RAB11FIP4: variants seen among roughly 807,000 people sequenced by gnomAD.
RAB11FIP4 encodes RAB11 family interacting protein 4, also known as rab11 family-interacting protein 4.
In RAB11FIP4, 23 loss-of-function variants were observed where a neutral mutation model predicts 74.3. The ratio of observed to expected loss-of-function variants is 0.31; its 90% CI spans 0.22 to 0.44. The LOEUF (loss-of-function observed/expected upper bound fraction) is 0.44. Ranked by LOEUF, RAB11FIP4 falls within the 20% of genes least tolerant of loss-of-function variation. The pLI is 1.00. For synonymous variants in RAB11FIP4, 360 were observed against 359.9 expected, an observed-to-expected ratio of 1.00 and a Z score of 0.00; for missense variants, 630 against 863.9, an observed-to-expected ratio of 0.73 and a Z score of 3.39.
In RAB11FIP4 at chr17:31,517,806, C is replaced by T. The variant is rs2142808526; in HGVS notation, c.492C>T (p.Ser164=). The change falls in exon 4 of 15, where the codon AGC becomes AGT. Residue 164 remains serine, a synonymous_variant. Transcript: ENST00000621161. ...ACAGCCCCATGGAGAGCACTCAGAGCCTGGAGGGGTCTGTCGGGAGTCCTG... is the reference window on the plus strand; with the variant it reads ...ACAGCCCCATGGAGAGCACTCAGAGTCTGGAGGGGTCTGTCGGGAGTCCTG... ...YTDSPMESTQ[S]LEGSVGSPAE... 6.4e-6 allele frequency: 10 copies of T among 1,554,144 alleles called. No individual in the cohort carries two copies. Among genetic ancestry groups the T allele is most frequent in the African/African-American group, 1.4e-5 (1 of 73,458 alleles).
At chr17:31,471,319 C>G (rs918285016) in intron 3 of RAB11FIP4, among the ~76,000 whole-genome samples, 1 of 151,658 alleles carries the variant, frequency 6.6e-6, no homozygotes, top group Non-Finnish European at 1.5e-5. Flanking sequence ...CCTGCCTCAG[C>G]CTTCTAAAGT....
intron 5 of RAB11FIP4, among the ~76,000 whole-genome samples, chr17:31,521,711 G>A (rs763314858): frequency 1.5e-4 from 23 of 152,124 alleles, no homozygotes; most frequent in Non-Finnish European, 1.0e-4. Context: ...GTTTGCCTTA[G>A]CTGTTAAATG....
At chr17:31,414,991 G>A (rs755394549) in intron 1 of RAB11FIP4, among the ~76,000 whole-genome samples, 1 of 152,206 alleles carries the variant, frequency 6.6e-6, no homozygotes, top group Non-Finnish European at 1.5e-5. Flanking sequence ...TCCCAGCGTT[G>A]ACCCAAGAGG....
chr17:31,527,630 TATTTTGCTTACAAATA>T (rs11275605), intron 10 of RAB11FIP4, 196 bp from the exon 11 acceptor site: 349,152 of 514,238 alleles, frequency 0.68, 119,683 homozygotes, highest in African/African-American at 0.86. Flanking sequence ...GATAATTTAC[TATTTTGCTTACAAATA>T]GTCCTTACTA....
At chr17:31,416,912 G>A (rs913062371) in intron 1 of RAB11FIP4, among the ~76,000 whole-genome samples, 6 of 152,052 alleles carry the variant, frequency 3.9e-5, no homozygotes, top group Non-Finnish European at 8.8e-5. Flanking sequence ...GCTTCCTATC[G>A]CCCATATTCA....
chr17:31,406,408 A>G (rs576886703), intron 1 of RAB11FIP4, among the ~76,000 whole-genome samples: 5 of 152,138 alleles, frequency 3.3e-5, no homozygotes, highest in Non-Finnish European at 5.9e-5. Context: ...GTCTGGCCAG[A>G]GGCACTGGCT....
intron 3 of RAB11FIP4, among the ~76,000 whole-genome samples, chr17:31,484,786 G>T (rs1382846751): frequency 6.6e-6 from 1 of 152,184 alleles, no homozygotes; most frequent in Admixed American, 6.5e-5. Flanking sequence ...AATAGCTACT[G>T]TTTATTGGTT....
intron 3 of RAB11FIP4, among the ~76,000 whole-genome samples, chr17:31,483,249 G>A (rs950918194): frequency 1.5e-4 from 23 of 148,624 alleles, no homozygotes; most frequent in Admixed American, 1.5e-3. Flanking sequence ...CTGTGTGTGC[G>A]TTGACAGAAT....
At chr17:31,456,445 G>A (rs1052868446) in intron 3 of RAB11FIP4, among the ~76,000 whole-genome samples, 2 of 152,106 alleles carry the variant, frequency 1.3e-5, no homozygotes, top group Admixed American at 6.6e-5. Flanking sequence ...GAGCTCAAGC[G>A]ATCCGCCCCC....
At chr17:31,445,747 G>A (rs1293953700) in intron 3 of RAB11FIP4, among the ~76,000 whole-genome samples, 2 of 150,046 alleles carry the variant, frequency 1.3e-5, no homozygotes, top group South Asian at 2.1e-4. Flanking sequence ...CACCACTCCC[G>A]GCTAATTTTT....
chr17:31,474,549 T>C, intron 3 of RAB11FIP4, among the ~76,000 whole-genome samples: 1 of 151,856 alleles, frequency 6.6e-6, no homozygotes, highest in Non-Finnish European at 1.5e-5. Context: ...TGCATGCCTG[T>C]AGTTCCAGCT....
chr17:31,416,207 G>A (rs1162830872), intron 1 of RAB11FIP4, among the ~76,000 whole-genome samples: 2 of 152,204 alleles, frequency 1.3e-5, no homozygotes, highest in African/African-American at 2.4e-5. Flanking sequence ...TTGCGGAGCT[G>A]GTCCTGGGCC....
intron 3 of RAB11FIP4, among the ~76,000 whole-genome samples, chr17:31,483,295 C>T (rs1214826514): frequency 1.3e-5 from 2 of 151,200 alleles, no homozygotes; most frequent in Non-Finnish European, 2.9e-5. Flanking sequence ...TTGACTGATG[C>T]TCACAGTCCT....
chr17:31,405,404 C>T (rs1203007909), intron 1 of RAB11FIP4, among the ~76,000 whole-genome samples: 2 of 151,938 alleles, frequency 1.3e-5, no homozygotes, highest in African/African-American at 2.4e-5. Context: ...GAGTCTCGCT[C>T]TGTCGCCCAG....
chr17:31,488,358 C>T (rs979278596), intron 3 of RAB11FIP4: 123 of 1,048,042 alleles, frequency 1.2e-4, no homozygotes, highest in Middle Eastern at 4.2e-4. Flanking sequence ...GGGAAGTTGG[C>T]GGAGAGCGGA....
chr17:31,531,889 C>A lies in RAB11FIP4; in HGVS notation c.*157C>A. The A allele has an allele frequency of 1.6e-6, 1 of 630,440 alleles. No homozygotes were observed. Among genetic ancestry groups the A allele is most frequent in the African/African-American group, 1.8e-5 (1 of 54,836 alleles). 39.1% of individuals were successfully genotyped at this position (630,440 alleles called of 1,614,324 possible). ...CCCGTGTATATGTGGGGAGGCTGTG[C>A]ACACGAGCGAGGGGTGAGTGGCCGT... On this transcript the variant is annotated 3_prime_UTR_variant, in exon 15 of 15. Coordinates refer to ENST00000621161, the MANE Select transcript of RAB11FIP4 (RefSeq NM_032932.6).
At chr17:31,516,530 C>T (rs566996989) in intron 3 of RAB11FIP4, among the ~76,000 whole-genome samples, 3 of 152,348 alleles carry the variant, frequency 2.0e-5, no homozygotes, top group East Asian at 3.9e-4. Context: ...ACTGCAGTGG[C>T]GCTATCTTGG....
Position 31,523,593 on chromosome 17 carries a change from C to T in RAB11FIP4, c.1011C>T (p.Asp337=), listed in dbSNP as rs549036896. 1.9e-6 allele frequency: 3 copies of T among 1,614,048 alleles called. No homozygotes were observed. Among genetic ancestry groups the T allele is most frequent in the Admixed American group, 1.7e-5 (1 of 60,028 alleles). ...DLFRDSIDSC[D]NDITEKVSFL... is the part of the protein sequence containing the mutation. ...TCCGGGACAGCATTGACTCTTGCGA[C>T]AATGACATCACAGAGAAGGTGGGCC... Residue 337 remains aspartate, a synonymous_variant, in exon 8 of 15, where the codon GAC becomes GAT. Coordinates refer to ENST00000621161, the MANE Select transcript of RAB11FIP4 (RefSeq NM_032932.6).
intron 3 of RAB11FIP4, among the ~76,000 whole-genome samples, chr17:31,482,968 G>A (rs1257038425): frequency 6.6e-6 from 1 of 152,006 alleles, no homozygotes; most frequent in African/African-American, 2.4e-5. Context: ...GCCGAGGCGG[G>A]CGGATCACGG....
Sources: allele counts gnomAD v4.1 joint callset (sites outside exome capture counted in the v4.1 genomes callset), GRCh38; gene constraint gnomAD v4.1.1; transcripts MANE v1.5; gene names NCBI Gene and HGNC (gene_info 2026-07-23, HGNC 2026-07-21).